The following MCF2L variants were observed in gnomAD, a reference collection of about 807,000 sequenced individuals.
MCF2L encodes the protein MCF.2 cell line derived transforming sequence like, also known as guanine nucleotide exchange factor DBS.
A neutral mutation model predicts 153.4 loss-of-function variants in MCF2L; 97 were observed. That is an observed-to-expected ratio of 0.63 (90% CI 0.54 to 0.75). The LOEUF is 0.75. Ranked by LOEUF, MCF2L falls within the 30% of genes least tolerant of loss-of-function variation. The pLI is 0.00. For missense variants in MCF2L, 1,347 were observed against 1,495.2 expected, an observed-to-expected ratio of 0.90 and a Z score of 1.64; for synonymous variants, 659 against 632.2, an observed-to-expected ratio of 1.04 and a Z score of -0.64.
chr13:112,946,776 A>G (rs1174065835), intron 2 of MCF2L, among the ~76,000 whole-genome samples: 1 of 152,198 alleles, frequency 6.6e-6, no homozygotes, highest in South Asian at 2.1e-4. Flanking sequence ...TTAGAAACTA[A>G]CCCACAAAAG....
chr13:113,026,780 C>A, intron 3 of MCF2L: 2 of 601,180 alleles, frequency 3.3e-6, no homozygotes, highest in South Asian at 2.0e-5. Flanking sequence ...AAAATGGTTC[C>A]CTCAGGCTGC....
At chr13:112,994,352 G>A (rs1382421601) in intron 1 of MCF2L, among the ~76,000 whole-genome samples, 1 of 151,724 alleles carries the variant, frequency 6.6e-6, no homozygotes, top group Non-Finnish European at 1.5e-5. Context: ...GCGGGGGCCA[G>A]TGTGGCTGCC....
chr13:112,903,133 G>A lies in MCF2L; in HGVS notation c.169+762G>A, dbSNP rs544768537. Among the ~76,000 whole-genome samples the A allele has an allele frequency of 5.3e-5, 8 of 152,342 alleles. No homozygotes were observed. The East Asian group carries it at 5.8e-4, about 11-fold the overall frequency. On this transcript the variant is annotated intron_variant, in intron 2 of 29. Transcript: ENST00000375608. The stretch of plus-strand genomic sequence containing the variant: ...GAGGGCAGGCGTGGATTTGATGGCC[G>A]GGTGCTGGCCTGGCATTGCAAAATC...
At chr13:113,096,516 G>C (rs373886225) in intron 28 of MCF2L, 33 bp downstream of exon 28, 5 of 1,582,734 alleles carry the variant, frequency 3.2e-6, no homozygotes, top group East Asian at 2.3e-5. Context: ...GGACTGCCCC[G>C]CACGTGGCTG....
upstream of MCF2L, chr13:112,968,626 C>T (rs759612188): frequency 6.5e-7 from 1 of 1,527,906 alleles, no homozygotes; most frequent in Non-Finnish European, 8.8e-7. Context: ...TACCTGGGCG[C>T]GGCGCGGGTG....
intron 26 of MCF2L, among the ~76,000 whole-genome samples, chr13:113,092,435 G>A (rs375548403): frequency 6.4e-4 from 93 of 144,926 alleles, no homozygotes; most frequent in African/African-American, 2.1e-3. Context: ...TGTCGAAGCC[G>A]GGCCACTGCC....
intron 1 of MCF2L, among the ~76,000 whole-genome samples, chr13:113,007,640 C>G (rs1395747360): frequency 6.6e-6 from 1 of 152,368 alleles, no homozygotes; most frequent in East Asian, 1.9e-4. Context: ...GCTGTACAGA[C>G]AGGGCTGAGG....
intron 1 of MCF2L, among the ~76,000 whole-genome samples, chr13:112,981,763 C>T (rs1271189693): frequency 6.6e-6 from 1 of 152,230 alleles, no homozygotes; most frequent in Non-Finnish European, 1.5e-5. Flanking sequence ...CGGCTCAGAG[C>T]CCAGTGCCCT....
chr13:112,918,591 G>A (rs965190113), intron 2 of MCF2L, among the ~76,000 whole-genome samples: 2 of 152,184 alleles, frequency 1.3e-5, no homozygotes, highest in African/African-American at 4.8e-5. Context: ...GCAGGGGCGT[G>A]GGGTGGCTCC....
In MCF2L at chr13:113,099,723, T is replaced by C. The variant is rs377039498; in HGVS notation, c.*2864T>C. On this transcript the variant is annotated 3_prime_UTR_variant, in exon 30 of 30. Transcript: ENST00000535094. ...AAGAAACTCCATATCAAATAAAAAA[T>C]TTTAAATATGAGAGAACCATTATGA... 1 of 152,078 alleles carries C rather than the reference T, an allele frequency of 6.6e-6. No homozygotes were observed. The highest frequency in any genetic ancestry group is 2.4e-5 in the African/African-American group (1 of 41,410). The allele number at this position is 152,078 out of a possible 1,614,324, so 9.4% of individuals were successfully genotyped here.
At chr13:113,049,378 G>A (rs1029627506) in intron 4 of MCF2L, among the ~76,000 whole-genome samples, 2 of 152,288 alleles carry the variant, frequency 1.3e-5, no homozygotes, top group African/African-American at 2.4e-5. Context: ...GAGGCCCCAG[G>A]CTCTGTCCAT....
chr13:113,061,804 C>CCCCTCCCCTA (rs2031526950), intron 5 of MCF2L, among the ~76,000 whole-genome samples: 1 of 45,820 alleles, frequency 2.2e-5, no homozygotes, highest in Non-Finnish European at 4.3e-5. Context: ...CCCCTCCCTT[C>CCCCTCCCCTA]CCTCTCCCCC....
intron 8 of MCF2L, among the ~76,000 whole-genome samples, chr13:113,066,991 C>G (rs1482090794): frequency 6.6e-6 from 1 of 152,260 alleles, no homozygotes; most frequent in Admixed American, 6.5e-5. Context: ...GACGGCGCAT[C>G]CTTGAGGGGC....
At chr13:113,060,835 C>A in intron 5 of MCF2L, 123 bp downstream of exon 5, 1 of 1,348,226 alleles carries the variant, frequency 7.4e-7, no homozygotes, top group Non-Finnish European at 1.0e-6. Flanking sequence ...CAAAACCCCG[C>A]AGGACCTGGC....
chr13:112,922,813 C>T (rs1409801456), intron 2 of MCF2L, among the ~76,000 whole-genome samples: 6 of 152,132 alleles, frequency 3.9e-5, no homozygotes, highest in East Asian at 3.9e-4. Flanking sequence ...CCAGCGTGGG[C>T]GACAGAGCAA....
chr13:112,956,073 A>C (rs2081753399), intron 2 of MCF2L: 1 of 152,250 alleles, frequency 6.6e-6, no homozygotes, highest in East Asian at 1.9e-4. Flanking sequence ...CCAAAATGGC[A>C]AACTGTGTGG....
chr13:113,075,346 G>A (rs1294369919), intron 11 of MCF2L, among the ~76,000 whole-genome samples, 157 bp downstream of exon 11: 1 of 151,774 alleles, frequency 6.6e-6, no homozygotes, highest in African/African-American at 2.4e-5. Context: ...GGCCTAGAGG[G>A]TCTTTTTCTA....
At position 112,982,877 on chromosome 13, in the gene MCF2L, A is replaced by G. The variant is rs115986464; in HGVS notation, c.79+13419A>G. ...GAAATTGCAGAGAACAAGGGCGAGG[A>G]TGGAAGCTTGAGGGGCGCCGAGGTG... is the stretch of plus-strand genomic sequence containing the variant. On this transcript the variant is annotated intron_variant, in intron 1 of 29. Transcript: ENST00000535094. Among the ~76,000 whole-genome samples, 1,284 of 151,878 alleles carry G rather than the reference A, an allele frequency of 8.5e-3. 25 individuals are homozygous for G. The highest frequency in any genetic ancestry group is 0.03 in the African/African-American group (1,228 of 41,388).
rs144984488 is a variant in MCF2L, at chr13:113,007,707, T to G, written c.80-7056T>G. Reference sequence around the variant, plus strand: ...GCCTCAGTCACTGTCCTTTGTAAGCTTGGGGAGTCGGCGGGAGAGACGTGA... The same window carrying G: ...GCCTCAGTCACTGTCCTTTGTAAGCGTGGGGAGTCGGCGGGAGAGACGTGA... On this transcript the variant is annotated intron_variant, in intron 1 of 29. Transcript: ENST00000535094. 9.7e-4 allele frequency among the ~76,000 whole-genome samples: 148 copies of G among 152,252 alleles called. 1 individual carries two copies. Among genetic ancestry groups the G allele is most frequent in the African/African-American group, 3.5e-3 (145 of 41,552 alleles).
Sources: gnomAD v4.1 joint callset for allele counts (sites outside exome capture counted in the v4.1 genomes callset) on GRCh38, gnomAD v4.1.1 for gene constraint, MANE v1.5 for transcripts, NCBI Gene and HGNC (gene_info 2026-07-23, HGNC 2026-07-21) for gene names.